The following ITPK1 variants were observed in gnomAD, a reference collection of about 807,000 sequenced individuals.
The protein encoded by ITPK1 is inositol-tetrakisphosphate 1-kinase.
A neutral mutation model predicts 45.3 loss-of-function variants in ITPK1; 21 were observed. The observed-to-expected ratio is 0.46, with a 90% CI of 0.33 to 0.67. The LOEUF (loss-of-function observed/expected upper bound fraction) is 0.67, where lower values mean the gene tolerates loss of function less well. Among genes scored for constraint, ITPK1 ranks in the 30% least tolerant of loss-of-function variants. The probability of loss-of-function intolerance (pLI) is 0.02; values close to 1 mark genes in which losing one functional copy is unlikely to be tolerated. For missense variants in ITPK1, 474 were observed against 573.5 expected (o/e 0.83, Z 1.77); for synonymous variants, 258 against 253.6 (o/e 1.02, Z -0.16).
chr14:92,955,879 C>G (rs1884694809), intron 8 of ITPK1, among the ~76,000 whole-genome samples: 1 of 152,218 alleles, frequency 6.6e-6, no homozygotes, highest in African/African-American at 2.4e-5. Context: ...TCCCAAACCC[C>G]CTTTCCAACT....
chr14:92,956,465 A>C (rs1240770254), intron 8 of ITPK1, among the ~76,000 whole-genome samples: 1 of 152,128 alleles, frequency 6.6e-6, no homozygotes, highest in East Asian at 1.9e-4. Context: ...CTGGCAACCT[A>C]GAAATAGCCA....
At chr14:92,999,530 G>A (rs1354609974) in intron 4 of ITPK1, among the ~76,000 whole-genome samples, 1 of 152,226 alleles carries the variant, frequency 6.6e-6, no homozygotes, top group African/African-American at 2.4e-5. Context: ...TCCAGTGGGT[G>A]GGGAGGCTGG....
At chr14:93,054,211 G>A (rs140723329) in intron 3 of ITPK1, among the ~76,000 whole-genome samples, 4,696 of 152,308 alleles carry the variant, frequency 0.031, 111 homozygotes, top group Non-Finnish European at 0.046. Context: ...CTGCTTTGAC[G>A]TCATCTGTAA....
intron 4 of ITPK1, among the ~76,000 whole-genome samples, chr14:92,996,063 C>A (rs1207021470): frequency 6.6e-6 from 1 of 152,202 alleles, no homozygotes; most frequent in Non-Finnish European, 1.5e-5. Flanking sequence ...GAGACTCACA[C>A]ATATGTATGA....
rs1394961785 is a variant in ITPK1 at position 93,015,112 on chromosome 14, C to T, written c.246+1564G>A. On this transcript the variant is annotated intron_variant, in intron 4 of 10. Transcript: ENST00000267615. The stretch of plus-strand genomic sequence containing the variant: ...AAGTCGCTGTATGACTTGGGATCAG[C>T]TGGGACCACACCCCAGGACAGTTGT... Among the ~76,000 whole-genome samples the T allele has an allele frequency of 2.0e-5, 3 of 152,202 alleles. No homozygotes were observed. In the East Asian group the frequency reaches 5.8e-4, roughly 29 times the overall value.
intron 2 of ITPK1, among the ~76,000 whole-genome samples, chr14:93,085,534 C>T (rs1055173062): frequency 6.6e-6 from 1 of 152,146 alleles, no homozygotes; most frequent in African/African-American, 2.4e-5. Context: ...AGTGGGTGAC[C>T]CACCTTTGGC....
At chr14:93,050,167 C>T (rs1889946245) in intron 3 of ITPK1, among the ~76,000 whole-genome samples, 1 of 152,174 alleles carries the variant, frequency 6.6e-6, no homozygotes, top group Admixed American at 6.5e-5. Context: ...AAAGTTTACA[C>T]AAGGAGGACT....
chr14:93,081,743 G>T (rs1368085576), intron 2 of ITPK1, among the ~76,000 whole-genome samples: 1 of 152,228 alleles, frequency 6.6e-6, no homozygotes, highest in Non-Finnish European at 1.5e-5. Context: ...CCTCCCCAAA[G>T]GGTGTCTGGG....
chr14:92,980,307 A>G (rs1886159629), intron 5 of ITPK1, among the ~76,000 whole-genome samples: 1 of 152,210 alleles, frequency 6.6e-6, no homozygotes, highest in Non-Finnish European at 1.5e-5. Flanking sequence ...AGAGCCCCTG[A>G]GGCAGCCGAG....
Position 92,988,045 on chromosome 14 carries a change from C to T in ITPK1, c.364+5835G>A, listed in dbSNP as rs540715196. Among the ~76,000 whole-genome samples the T allele has an allele frequency of 3.3e-5, 5 of 152,328 alleles. No homozygotes were observed. In the East Asian group the frequency reaches 7.7e-4, roughly 23 times the overall value. On this transcript the variant is annotated intron_variant, in intron 5 of 10. Coordinates refer to ENST00000267615, the MANE Select transcript of ITPK1 (RefSeq NM_014216.6). Reference sequence around the variant, plus strand: ...CGGAGCCTCCCCTGCACTGAAAGGGCGGGTCTCAGCCTGGGTGGCAGACAA... The same window carrying T: ...CGGAGCCTCCCCTGCACTGAAAGGGTGGGTCTCAGCCTGGGTGGCAGACAA...
At chr14:92,985,588 T>C (rs963959287) in intron 5 of ITPK1, among the ~76,000 whole-genome samples, 1 of 151,728 alleles carries the variant, frequency 6.6e-6, no homozygotes, top group Non-Finnish European at 1.5e-5. Flanking sequence ...CTGAAGACAC[T>C]CTTGTTTGGG....
chr14:92,962,902 T>C (rs1885163287), intron 5 of ITPK1, 53 bp from the exon 6 acceptor site: 2 of 1,312,370 alleles, frequency 1.5e-6, no homozygotes, highest in Admixed American at 3.8e-5. Flanking sequence ...CCGCCCCAGG[T>C]GCACGTCCTG....
At chr14:93,085,603 C>T (rs1595201402) in intron 2 of ITPK1, among the ~76,000 whole-genome samples, 1 of 152,100 alleles carries the variant, frequency 6.6e-6, no homozygotes, top group South Asian at 2.1e-4. Flanking sequence ...AACTGAGGTG[C>T]CTTTGAGACT....
chr14:93,044,102 G>T (rs1424016443), intron 3 of ITPK1, among the ~76,000 whole-genome samples: 1 of 152,180 alleles, frequency 6.6e-6, no homozygotes, highest in African/African-American at 2.4e-5. Flanking sequence ...GAGGGGTTGG[G>T]GGGGAGGTGA....
chr14:92,964,479 G>A (rs547879429), intron 5 of ITPK1, among the ~76,000 whole-genome samples: 3 of 152,348 alleles, frequency 2.0e-5, no homozygotes, highest in African/African-American at 7.2e-5. Context: ...CGGGAATGCT[G>A]TGAGGGCTGG....
intron 4 of ITPK1, among the ~76,000 whole-genome samples, chr14:93,015,903 C>A (rs1407645325): frequency 6.6e-6 from 1 of 152,230 alleles, no homozygotes; most frequent in Non-Finnish European, 1.5e-5. Flanking sequence ...AAATCTGCGC[C>A]TGTCACACGC....
intron 3 of ITPK1, among the ~76,000 whole-genome samples, chr14:93,022,417 G>A (rs1207645017): frequency 6.6e-6 from 1 of 152,170 alleles, no homozygotes; most frequent in African/African-American, 2.4e-5. Context: ...GGCACAGTGG[G>A]GCACACTTGT....
rs1595196623 is a variant in ITPK1, at chr14:93,080,109, C to G, written c.96-3490G>C. 2.0e-5 allele frequency among the ~76,000 whole-genome samples: 3 copies of G among 152,362 alleles called. No homozygotes were observed. In the Middle Eastern group the frequency reaches 0.01, roughly 518 times the overall value. On this transcript the variant is annotated intron_variant, in intron 2 of 10. Coordinates refer to ENST00000267615, the MANE Select transcript of ITPK1 (RefSeq NM_014216.6). Reference sequence around the variant, plus strand: ...CCTCCATGCACCCACGAGGAATTATCTCCAAGACGTTGCTGTGTGAAACAG... The same window carrying G: ...CCTCCATGCACCCACGAGGAATTATGTCCAAGACGTTGCTGTGTGAAACAG...
rs1199779749 is a variant in ITPK1, at chr14:93,115,137, T to A, written c.27A>T (p.Arg9Ser). Reference protein sequence around the residue: MQTFLKGKRVGYWLSEKKI... With the variant: MQTFLKGKSVGYWLSEKKI... ...TCTTCTCGCTCAGCCAGTAGCCAACTCTCTTCCCTTTCAGAAAGGTCTGCA... is the reference window on the plus strand; with the variant it reads ...TCTTCTCGCTCAGCCAGTAGCCAACACTCTTCCCTTTCAGAAAGGTCTGCA... Residue 9 changes from arginine (R) to serine (S), a missense_variant, in exon 2 of 11, where the codon AGA becomes AGT. By Grantham distance (110) the Arg-to-Ser change is moderately radical (BLOSUM62 -1). Transcript: ENST00000267615. 3 of 1,600,754 alleles carry A rather than the reference T, an allele frequency of 1.9e-6. No homozygotes were observed. Among genetic ancestry groups the A allele is most frequent in the Non-Finnish European group, 2.6e-6 (3 of 1,174,810 alleles).
Sources: gnomAD v4.1 joint callset for allele counts (sites outside exome capture counted in the v4.1 genomes callset) on GRCh38, gnomAD v4.1.1 for gene constraint, MANE v1.5 for transcripts, NCBI Gene and HGNC (gene_info 2026-07-23, HGNC 2026-07-21) for gene names.